Variants in ATP8A1 observed in about 807,000 individuals in gnomAD.
ATP8A1 encodes the protein phospholipid-transporting ATPase IA.
In ATP8A1, 90 loss-of-function variants were observed where a neutral mutation model predicts 177.7. The ratio of observed to expected loss-of-function variants is 0.51; its 90% CI spans 0.43 to 0.60. The LOEUF (loss-of-function observed/expected upper bound fraction) is 0.60. Ranked by LOEUF, ATP8A1 falls within the 20% of genes least tolerant of loss-of-function variation. The probability of loss-of-function intolerance (pLI) is 0.00; values close to 1 mark genes in which losing one functional copy is unlikely to be tolerated. For synonymous variants in ATP8A1, 493 were observed against 485.9 expected, an observed-to-expected ratio of 1.01 and a Z score of -0.19; for missense variants, 1,072 against 1,392.8, an observed-to-expected ratio of 0.77 and a Z score of 3.67.
intron 27 of ATP8A1, 48 bp downstream of exon 27, chr4:42,464,642 T>C (rs776724015): frequency 8.9e-7 from 1 of 1,128,526 alleles, no homozygotes. Flanking sequence ...AAAATTTCTT[T>C]AAATATGTAT....
At chr4:42,491,416 T>C (rs543880323) in intron 24 of ATP8A1, among the ~76,000 whole-genome samples, 4 of 152,154 alleles carry the variant, frequency 2.6e-5, no homozygotes, top group Non-Finnish European at 4.4e-5. Context: ...AATAAAATAA[T>C]GTAACAGCAA....
chr4:42,653,113 C>T (rs1304801075), intron 1 of ATP8A1, among the ~76,000 whole-genome samples: 1 of 152,174 alleles, frequency 6.6e-6, no homozygotes, highest in African/African-American at 2.4e-5. Context: ...GTTCCTAATT[C>T]CCGATTCTCT....
intron 33 of ATP8A1, among the ~76,000 whole-genome samples, chr4:42,430,165 G>C (rs1715111955): frequency 6.6e-6 from 1 of 151,734 alleles, no homozygotes; most frequent in Admixed American, 6.6e-5. Context: ...AAAAAAAAAA[G>C]ATTCTTAGAG....
At chr4:42,617,812 ATCTTCCCATC>A (rs1303141781) in intron 4 of ATP8A1, among the ~76,000 whole-genome samples, 1 of 152,184 alleles carries the variant, frequency 6.6e-6, no homozygotes, top group African/African-American at 2.4e-5. Flanking sequence ...TCTTTCCTCT[ATCTTCCCATC>A]ACAGAATTAG....
chr4:42,424,481 T>C (rs1189914980), intron 33 of ATP8A1, among the ~76,000 whole-genome samples: 1 of 152,192 alleles, frequency 6.6e-6, no homozygotes, highest in African/African-American at 2.4e-5. Flanking sequence ...AATCCATATA[T>C]GTATTGTTCT....
intron 12 of ATP8A1, among the ~76,000 whole-genome samples, chr4:42,576,925 A>G (rs778852073): frequency 4.6e-5 from 7 of 152,250 alleles, no homozygotes; most frequent in Non-Finnish European, 8.8e-5. Flanking sequence ...TTGCAAGACT[A>G]TCATTCAGAA....
intron 16 of ATP8A1, 57 bp downstream of exon 16, chr4:42,555,911 G>A: frequency 8.5e-7 from 1 of 1,170,898 alleles, no homozygotes; most frequent in Non-Finnish European, 1.3e-6. Context: ...ATAGTTCAGA[G>A]AAACATTCAT....
intron 35 of ATP8A1, among the ~76,000 whole-genome samples, chr4:42,422,359 G>A (rs1714061109): frequency 6.6e-6 from 1 of 152,046 alleles, no homozygotes; most frequent in South Asian, 2.1e-4. Context: ...TAAAGTGCTG[G>A]GATTACAAGT....
Position 42,452,012 on chromosome 4 carries a change from C to T in ATP8A1, c.2865G>A (p.Leu955=), listed in dbSNP as rs375960450. Residue 955 remains leucine (L), a synonymous_variant, in exon 30 of 37, where the codon CTG becomes CTA. Transcript: ENST00000381668. The stretch of plus-strand genomic sequence containing the variant: ...GAAGGGCTTTTAGTGGAAACCAAAA[C>T]AGAATAACTGAGTGGAAGAGGCCAT... ...CLNGLFHSVI[L]FWFPLKALQY... 70 of 1,613,040 alleles carry T rather than the reference C, an allele frequency of 4.3e-5. No individual in the cohort carries two copies. The African/African-American group carries it at 9.2e-4, about 21-fold the overall frequency.
chr4:42,414,769 C>T, intron 35 of ATP8A1, 51 bp from the exon 36 acceptor site: 1 of 1,362,514 alleles, frequency 7.3e-7, no homozygotes, highest in Non-Finnish European at 1.1e-6. Flanking sequence ...CGGCAGAGAC[C>T]CCAGTGTGCC....
Position 42,522,169 on chromosome 4 carries a change from C to T in ATP8A1, c.1938G>A (p.Leu646=), listed in dbSNP as rs147215077. 3.2e-5 allele frequency: 52 copies of T among 1,607,072 alleles called. No individual in the cohort carries two copies. Among genetic ancestry groups the T allele is most frequent in the Non-Finnish European group, 4.2e-5 (50 of 1,178,326 alleles). The change falls in exon 22 of 37, where the codon TTG becomes TTA. Residue 646 remains leucine, a synonymous_variant. Coordinates refer to ENST00000381668, the MANE Select transcript of ATP8A1 (RefSeq NM_006095.2). ...RLLKLEESYE[L]IEKNLQLLGA... ...AGAATCATCCACGTACCTTTTCAAT[C>T]AACTCATAACTCTCTTCGAGTTTGA...
intron 12 of ATP8A1, among the ~76,000 whole-genome samples, chr4:42,576,547 G>C (rs145502562): frequency 1.4e-5 from 2 of 140,908 alleles, no homozygotes; most frequent in African/African-American, 2.6e-5. Context: ...CTTGTGTCCA[G>C]TAATCATGAG....
At chr4:42,545,906 G>A (rs1175904677) in intron 19 of ATP8A1, among the ~76,000 whole-genome samples, 1 of 152,072 alleles carries the variant, frequency 6.6e-6, no homozygotes, top group African/African-American at 2.4e-5. Flanking sequence ...CCTGGGAGGC[G>A]GAGGTTGCAG....
At chr4:42,598,024 T>C (rs1028988595) in intron 6 of ATP8A1, among the ~76,000 whole-genome samples, 4 of 152,278 alleles carry the variant, frequency 2.6e-5, no homozygotes, top group East Asian at 1.9e-4. Context: ...GTGCAAATAT[T>C]TCACATAGCC....
chr4:42,539,539 C>T (rs1218551369), intron 20 of ATP8A1, among the ~76,000 whole-genome samples: 2 of 151,938 alleles, frequency 1.3e-5, no homozygotes, highest in African/African-American at 4.8e-5. Flanking sequence ...CATCACATTA[C>T]CTACATTTAA....
chr4:42,629,921 G>A (rs1738548068), intron 1 of ATP8A1, among the ~76,000 whole-genome samples: 1 of 152,204 alleles, frequency 6.6e-6, no homozygotes, highest in South Asian at 2.1e-4. Context: ...CTCTTTCCAT[G>A]TAAAGAGAAA....
At chr4:42,537,054 C>T (rs28880347) in intron 20 of ATP8A1, among the ~76,000 whole-genome samples, 10 of 151,888 alleles carry the variant, frequency 6.6e-5, no homozygotes, top group African/African-American at 2.4e-4. Context: ...ATTGCTTGAA[C>T]CCAGGAGGTG....
intron 35 of ATP8A1, among the ~76,000 whole-genome samples, chr4:42,419,243 C>T (rs1193464633): frequency 6.6e-6 from 1 of 152,160 alleles, no homozygotes; most frequent in Non-Finnish European, 1.5e-5. Flanking sequence ...TTAACTATTC[C>T]GTTCATCCAC....
Position 42,624,572 on chromosome 4 carries a change from TA to T in ATP8A1, c.326del (p.Leu109Ter). On this transcript the variant is annotated frameshift_variant, in exon 4 of 37. Coordinates refer to ENST00000381668, the MANE Select transcript of ATP8A1 (RefSeq NM_006095.2). LOFTEE classifies it high-confidence loss of function. ...YTTLVPLLFI[L>X]AVAAIKEIIE... ...TTATCTCTTTGATAGCTGCCACAGC[TA>T]AAATAAATAAGAGAGGAACCAGTGT... is the stretch of plus-strand genomic sequence containing the variant. 1 of 1,503,322 alleles carries T rather than the reference TA, an allele frequency of 6.7e-7. No individual in the cohort carries two copies. The highest frequency in any genetic ancestry group is 8.9e-7 in the Non-Finnish European group (1 of 1,125,580). The allele number at this position is 1,503,322 out of a possible 1,614,324, so 93.1% of individuals were successfully genotyped here. A position where few individuals can be genotyped will look rare whatever the true frequency, so the allele number is the denominator to read the frequency against.
Sources: gnomAD v4.1 joint callset for allele counts (sites outside exome capture counted in the v4.1 genomes callset) on GRCh38, gnomAD v4.1.1 for gene constraint, MANE v1.5 for transcripts, NCBI Gene and HGNC (gene_info 2026-07-23, HGNC 2026-07-21) for gene names.